The following SYNE3 variants were observed in gnomAD, a reference collection of about 807,000 sequenced individuals.
The protein encoded by SYNE3 is nesprin-3.
A neutral mutation model predicts 111.2 loss-of-function variants in SYNE3; 100 were observed. That is an observed-to-expected ratio of 0.90 (90% confidence interval 0.77 to 1.06). The LOEUF is 1.06. SYNE3 is among the 50% of genes least tolerant of loss of function. The pLI is 0.00. For synonymous variants in SYNE3, 547 were observed against 533.9 expected (o/e 1.02, Z -0.34); for missense variants, 1,160 against 1,240.3 (o/e 0.94, Z 0.97).
chr14:95,504,558 T>G (rs575278789), intron 1 of SYNE3, among the ~76,000 whole-genome samples: 2 of 152,180 alleles, frequency 1.3e-5, no homozygotes, highest in Non-Finnish European at 2.9e-5. Context: ...CTAAGCTGAG[T>G]TCCCCCCACA....
intron 17 of SYNE3, among the ~76,000 whole-genome samples, chr14:95,419,716 T>TGG (rs1884971512): frequency 9.5e-5 from 1 of 10,524 alleles, no homozygotes; most frequent in Non-Finnish European, 1.7e-4. Context: ...GGTGGTGGGG[T>TGG]GGGGGTGGGG....
rs759436206 is a variant in SYNE3 at position 95,413,196 on chromosome 14, TC to T, written c.*4629del. 1 of 12,676 alleles carries T rather than the reference TC, an allele frequency of 7.9e-5. No individual in the cohort carries two copies. Among genetic ancestry groups the T allele is most frequent in the African/African-American group, 1.9e-4 (1 of 5,216 alleles). The allele number at this position is 12,676 out of a possible 1,614,324, so 0.8% of individuals were successfully genotyped here. On this transcript the variant is annotated 3_prime_UTR_variant, in exon 18 of 18. Transcript: ENST00000682763. Reference sequence around the variant, plus strand: ...CCTCCCTTCCTCCTTTTCTCTCTCTTCTCTCTGTCTCTTTTGCTCTCACTCT... The same window carrying T: ...CCTCCCTTCCTCCTTTTCTCTCTCTTTCTCTGTCTCTTTTGCTCTCACTCT...
chr14:95,503,194 C>T (rs1890401141), intron 1 of SYNE3, among the ~76,000 whole-genome samples: 2 of 152,256 alleles, frequency 1.3e-5, no homozygotes, highest in Admixed American at 1.3e-4. Flanking sequence ...CTAGTCCAAC[C>T]ATTTATTATT....
intron 16 of SYNE3, among the ~76,000 whole-genome samples, chr14:95,433,017 A>G (rs1310557958): frequency 6.6e-6 from 1 of 152,130 alleles, no homozygotes; most frequent in Non-Finnish European, 1.5e-5. Context: ...CACATTAATT[A>G]TGAGGTCACT....
intron 7 of SYNE3, chr14:95,452,015 A>G: frequency 2.5e-6 from 1 of 399,530 alleles, no homozygotes; most frequent in Non-Finnish European, 4.4e-6. Flanking sequence ...TGGCTGAGCC[A>G]CTAGCCTGGA....
In SYNE3 at chr14:95,444,530, A is replaced by C; in HGVS notation, c.1731T>G (p.Leu577=). The change falls in exon 10 of 18, where the codon CTT becomes CTG. Residue 577 remains leucine (L), a synonymous_variant. Coordinates refer to ENST00000682763, the MANE Select transcript of SYNE3 (RefSeq NM_152592.6). ...LQVRVQAEKG[L]QRDLPGKQAQ... The stretch of plus-strand genomic sequence containing the variant: ...CCTGTTTTCCAGGAAGGTCCCGCTG[A>C]AGCCCCTTCTCGGCTTGGACCCTGA... The C allele has an allele frequency of 6.2e-7, 1 of 1,613,514 alleles. No homozygotes were observed. Among genetic ancestry groups the C allele is most frequent in the South Asian group, 1.1e-5 (1 of 91,046 alleles).
chr14:95,428,061 C>G (rs1258130252), intron 17 of SYNE3, among the ~76,000 whole-genome samples: 2 of 152,156 alleles, frequency 1.3e-5, no homozygotes, highest in African/African-American at 4.8e-5. Context: ...GATTGGAAAG[C>G]CCACATCAAT....
intron 17 of SYNE3, among the ~76,000 whole-genome samples, chr14:95,419,426 C>T (rs922556982): frequency 6.6e-6 from 1 of 152,102 alleles, no homozygotes; most frequent in African/African-American, 2.4e-5. Flanking sequence ...CCAGTTCTTA[C>T]TATTAGTACT....
chr14:95,461,025 G>A (rs1000887410), intron 4 of SYNE3, among the ~76,000 whole-genome samples: 6 of 152,234 alleles, frequency 3.9e-5, no homozygotes, highest in Admixed American at 1.3e-4. Context: ...GCTGAGATCC[G>A]TGCCAGGCAT....
Position 95,416,326 on chromosome 14 carries a change from G to C in SYNE3, c.*1500C>G, listed in dbSNP as rs1488770204. On this transcript the variant is annotated 3_prime_UTR_variant, in exon 18 of 18. Transcript: ENST00000682763. Reference sequence around the variant, plus strand: ...CCCTCTACTTAAAGGGCCTTTCTGGGTCTATAATACCTTATGATTCCAAAG... The same window carrying C: ...CCCTCTACTTAAAGGGCCTTTCTGGCTCTATAATACCTTATGATTCCAAAG... The C allele has an allele frequency of 4.6e-5, 7 of 152,172 alleles. No homozygotes were observed. The highest frequency in any genetic ancestry group is 1.0e-4 in the Non-Finnish European group (7 of 68,036). 9.4% of individuals were successfully genotyped at this position (152,172 alleles called of 1,614,324 possible). A position where few individuals can be genotyped will look rare whatever the true frequency, so the allele number is the denominator to read the frequency against.
chr14:95,465,788 T>G, intron 4 of SYNE3, 143 bp downstream of exon 4: 1 of 906,912 alleles, frequency 1.1e-6, no homozygotes, highest in South Asian at 2.1e-5. Flanking sequence ...AGTGAACAGG[T>G]GAGTAGATGG....
Position 95,414,765 on chromosome 14 carries a change from A to G in SYNE3, c.*3061T>C, listed in dbSNP as rs1004602896. On this transcript the variant is annotated 3_prime_UTR_variant, in exon 18 of 18. Coordinates refer to ENST00000682763, the MANE Select transcript of SYNE3 (RefSeq NM_152592.6). The stretch of plus-strand genomic sequence containing the variant: ...CGCCACCTTTCTCAAGTAGCACCTT[A>G]AAGCTCTGCATGGCTGTTAAAGAGG... The G allele has an allele frequency of 1.3e-5, 2 of 151,898 alleles. No individual in the cohort carries two copies. The highest frequency in any genetic ancestry group is 4.9e-5 in the African/African-American group (2 of 41,202). The allele number at this position is 151,898 out of a possible 1,614,324, so 9.4% of individuals were successfully genotyped here. A position where few individuals can be genotyped will look rare whatever the true frequency, so the allele number is the denominator to read the frequency against.
At chr14:95,430,243 G>A (rs1179969683) in intron 17 of SYNE3, among the ~76,000 whole-genome samples, 1 of 152,138 alleles carries the variant, frequency 6.6e-6, no homozygotes, top group Non-Finnish European at 1.5e-5. Context: ...GGGCTGCATA[G>A]GTGGGGGCTT....
At position 95,410,883 on chromosome 14, in the gene SYNE3, G is replaced by A. The variant is rs137919220; in HGVS notation, c.*6943C>T. The A allele has an allele frequency of 6.6e-6, 1 of 152,398 alleles. No individual in the cohort carries two copies. The highest frequency in any genetic ancestry group is 2.4e-5 in the African/African-American group (1 of 41,528). 9.4% of individuals were successfully genotyped at this position (152,398 alleles called of 1,614,324 possible). A position where few individuals can be genotyped will look rare whatever the true frequency, so the allele number is the denominator to read the frequency against. On this transcript the variant is annotated 3_prime_UTR_variant, in exon 18 of 18. Transcript: ENST00000682763. ...CTGACTTCCCTCCTTACCAATAGGTGGGGGGAGGTGGTAAGGAACTGGACC... is the reference window on the plus strand; with the variant it reads ...CTGACTTCCCTCCTTACCAATAGGTAGGGGGAGGTGGTAAGGAACTGGACC...
chr14:95,512,323 G>A (rs1890749637), intron 1 of SYNE3, among the ~76,000 whole-genome samples: 1 of 152,116 alleles, frequency 6.6e-6, no homozygotes, highest in South Asian at 2.1e-4. Flanking sequence ...TTTGTATTAT[G>A]TAAGATTATA....
In SYNE3 at chr14:95,433,380, C is replaced by T. The variant is rs367936518; in HGVS notation, c.2568G>A (p.Gln856=). 19 of 1,614,040 alleles carry T rather than the reference C, an allele frequency of 1.2e-5. No individual in the cohort carries two copies. The African/African-American group carries it at 1.3e-4, about 11-fold the overall frequency. ...GACGAAGGAGGTTCTCAAAGAGATG[C>T]TGACCTTCTGGCACCCGAGCCTCCA... ...QELEARVPEG[Q]HLFENLLRLG... Residue 856 remains glutamine, a synonymous_variant, in exon 16 of 18, where the codon CAG becomes CAA. Transcript: ENST00000682763.
chr14:95,457,865 CA>C (rs1887564018), intron 4 of SYNE3, among the ~76,000 whole-genome samples: 1 of 152,086 alleles, frequency 6.6e-6, no homozygotes, highest in South Asian at 2.1e-4. Context: ...AGGAAAGTGC[CA>C]AGATTCAATC....
chr14:95,473,586 G>A (rs1002787773), intron 2 of SYNE3, among the ~76,000 whole-genome samples: 8 of 152,146 alleles, frequency 5.3e-5, no homozygotes, highest in Non-Finnish European at 1.2e-4. Context: ...GAAGGTCTAC[G>A]AGGTCTTCTG....
rs2139597306 is a variant in SYNE3, at chr14:95,500,781, C to T, written c.-15+15815G>A. Among the ~76,000 whole-genome samples, 1 of 152,320 alleles carries T rather than the reference C, an allele frequency of 6.6e-6. No individual in the cohort carries two copies. ...CCCATAGCAGAGTCACTGACCCTTC[C>T]TGCTGCAGCTACAGCTCCAAGGCCA... is the stretch of plus-strand genomic sequence containing the variant. On this transcript the variant is annotated intron_variant, in intron 1 of 17. Coordinates refer to ENST00000682763, the MANE Select transcript of SYNE3 (RefSeq NM_152592.6). This position sits in a 1 kb window ranked among gnomAD's most constrained non-coding sequence, Gnocchi z 4.7.
Sources: gnomAD v4.1 joint callset for allele counts (sites outside exome capture counted in the v4.1 genomes callset) on GRCh38, gnomAD v4.1.1 for gene constraint, Gnocchi (gnomAD v3.1) non-coding constraint, MANE v1.5 for transcripts, NCBI Gene and HGNC (gene_info 2026-07-23, HGNC 2026-07-21) for gene names.